Variants in DCDC1 observed in about 807,000 individuals in gnomAD.
DCDC1 encodes the protein doublecortin domain containing 1, also known as doublecortin domain-containing protein 1.
A neutral mutation model predicts 178.3 loss-of-function variants in DCDC1; 200 were observed. That is an observed-to-expected ratio of 1.12 (90% CI 1.00 to 1.26). The LOEUF (loss-of-function observed/expected upper bound fraction) is 1.26, where lower values mean the gene tolerates loss of function less well. Ranked by LOEUF, DCDC1 falls within the 50% of genes most tolerant of loss-of-function variation. The probability of loss-of-function intolerance (pLI) is 0.00; values close to 1 mark genes in which losing one functional copy is unlikely to be tolerated. For missense variants in DCDC1, 1,983 were observed against 1,749.2 expected, an observed-to-expected ratio of 1.13 and a Z score of -2.38; for synonymous variants, 690 against 604.8, an observed-to-expected ratio of 1.14 and a Z score of -2.07.
intron 9 of DCDC1, among the ~76,000 whole-genome samples, chr11:31,179,019 C>T (rs1172175227): frequency 6.6e-6 from 1 of 151,960 alleles, no homozygotes; most frequent in East Asian, 1.9e-4. Context: ...GGCAAAGGAC[C>T]TTAGTAACTA....
chr11:31,000,620 G>A (rs909908813), intron 20 of DCDC1, among the ~76,000 whole-genome samples: 2 of 152,066 alleles, frequency 1.3e-5, no homozygotes, highest in Non-Finnish European at 2.9e-5. Flanking sequence ...CTCTTCCCAA[G>A]AGAGAGGGTT....
At chr11:30,963,954 T>G (rs1006265689) in intron 20 of DCDC1, among the ~76,000 whole-genome samples, 1 of 152,172 alleles carries the variant, frequency 6.6e-6, no homozygotes, top group Non-Finnish European at 1.5e-5. Flanking sequence ...TAATTCTCAT[T>G]GCTGTTTTCG....
intron 17 of DCDC1, among the ~76,000 whole-genome samples, chr11:31,083,900 T>C (rs1464224258): frequency 6.6e-6 from 1 of 152,178 alleles, no homozygotes; most frequent in Non-Finnish European, 1.5e-5. Flanking sequence ...TGAAGCAATA[T>C]CAATATTGAA....
intron 8 of DCDC1, among the ~76,000 whole-genome samples, chr11:31,251,268 C>A (rs1301707753): frequency 1.3e-5 from 2 of 152,160 alleles, no homozygotes; most frequent in Non-Finnish European, 2.9e-5. Context: ...GGATACCCAT[C>A]TATAATGCCT....
At chr11:31,082,388 T>C (rs995696411) in intron 17 of DCDC1, among the ~76,000 whole-genome samples, 7 of 152,138 alleles carry the variant, frequency 4.6e-5, no homozygotes, top group African/African-American at 9.6e-5. Context: ...ATTCTTCAGA[T>C]CCTTCCTTCT....
At chr11:31,191,667 T>C (rs1970145293) in intron 9 of DCDC1, among the ~76,000 whole-genome samples, 1 of 151,824 alleles carries the variant, frequency 6.6e-6, no homozygotes, top group African/African-American at 2.4e-5. Flanking sequence ...CAAATAAAGG[T>C]CATGAGAAAG....
chr11:31,114,477 T>C (rs945934429), intron 11 of DCDC1, among the ~76,000 whole-genome samples: 3 of 152,128 alleles, frequency 2.0e-5, no homozygotes, highest in Admixed American at 6.5e-5. Context: ...AGGAGTGTGA[T>C]GGATGTGCTG....
chr11:31,062,235 C>G (rs867476099), intron 20 of DCDC1, among the ~76,000 whole-genome samples: 1 of 152,100 alleles, frequency 6.6e-6, no homozygotes, highest in Non-Finnish European at 1.5e-5. Flanking sequence ...TAATGACAAG[C>G]GCCAGCTTTC....
intron 15 of DCDC1, among the ~76,000 whole-genome samples, chr11:31,095,066 A>G (rs1362010576): frequency 6.6e-6 from 1 of 151,944 alleles, no homozygotes; most frequent in East Asian, 1.9e-4. Flanking sequence ...TTCTTGTGTT[A>G]GTTTGCTGAG....
At chr11:31,068,683 T>G (rs1048283897) in intron 18 of DCDC1, among the ~76,000 whole-genome samples, 2 of 152,108 alleles carry the variant, frequency 1.3e-5, no homozygotes, top group Non-Finnish European at 2.9e-5. Flanking sequence ...TTATTGAAAA[T>G]TTTTTTCAAA....
chr11:31,173,328 AT>A lies in DCDC1; in HGVS notation c.1222-35545del, dbSNP rs755976306. ...ACACTGGCATGGTACAATTACGGATATTATTTACATTGCATTTATAAAATAA... is the reference window on the plus strand; with the variant it reads ...ACACTGGCATGGTACAATTACGGATATATTTACATTGCATTTATAAAATAA... On this transcript the variant is annotated intron_variant, in intron 9 of 38. Transcript: ENST00000684477. Among the ~76,000 whole-genome samples the A allele has an allele frequency of 7.5e-4, 115 of 152,340 alleles. 1 individual carries two copies. The highest frequency in any genetic ancestry group is 6.8e-3 in the Middle Eastern group (2 of 294).
intron 17 of DCDC1, among the ~76,000 whole-genome samples, chr11:31,087,113 G>C (rs1157057237): frequency 6.6e-6 from 1 of 152,004 alleles, no homozygotes; most frequent in East Asian, 1.9e-4. Flanking sequence ...TTGGTGATTT[G>C]TGTCTTTTAA....
At chr11:31,090,607 C>G (rs568324262) in intron 17 of DCDC1, among the ~76,000 whole-genome samples, 1 of 152,134 alleles carries the variant, frequency 6.6e-6, no homozygotes, top group Non-Finnish European at 1.5e-5. Flanking sequence ...GAATTTGAGT[C>G]TGTAGATCAC....
intron 20 of DCDC1, among the ~76,000 whole-genome samples, chr11:31,040,939 T>C (rs1170099465): frequency 1.3e-5 from 2 of 152,222 alleles, no homozygotes; most frequent in Admixed American, 1.3e-4. Context: ...CATCTGCATA[T>C]GGAGAAAATA....
At chr11:30,976,723 A>C (rs1950123994) in intron 20 of DCDC1, among the ~76,000 whole-genome samples, 1 of 152,138 alleles carries the variant, frequency 6.6e-6, no homozygotes, top group African/African-American at 2.4e-5. Context: ...ACTCTTATAC[A>C]CTGTTGGTGG....
chr11:31,345,386 T>C (rs1047624864), intron 1 of DCDC1, among the ~76,000 whole-genome samples: 3 of 152,200 alleles, frequency 2.0e-5, no homozygotes, highest in Admixed American at 2.0e-4. Flanking sequence ...TGTGTACGTG[T>C]GACACCTTGT....
At chr11:31,136,159 CT>C (rs1238388441) in intron 10 of DCDC1, among the ~76,000 whole-genome samples, 1 of 152,028 alleles carries the variant, frequency 6.6e-6, no homozygotes, top group Non-Finnish European at 1.5e-5. Context: ...GGTAGATTCA[CT>C]TTTAGCTTAC....
chr11:31,367,796 G>A (rs905271919), intron 1 of DCDC1, among the ~76,000 whole-genome samples: 1 of 152,130 alleles, frequency 6.6e-6, no homozygotes, highest in African/African-American at 2.4e-5. Context: ...GGAAAGTACT[G>A]CTCTATAAAA....
chr11:31,294,818 G>T (rs1022472315), intron 6 of DCDC1, among the ~76,000 whole-genome samples: 1 of 96,098 alleles, frequency 1.0e-5, no homozygotes, highest in African/African-American at 3.8e-5. Context: ...AAGAAAGAAA[G>T]AAAGAAAGAA....
Sources: allele counts gnomAD v4.1 joint callset (sites outside exome capture counted in the v4.1 genomes callset), GRCh38; gene constraint gnomAD v4.1.1; transcripts MANE v1.5; gene names NCBI Gene and HGNC (gene_info 2026-07-23, HGNC 2026-07-21).